Variants in SANBR observed in about 807,000 individuals in gnomAD.
SANBR encodes SANT and BTB domain regulator of CSR, also known as SANT and BTB domain regulator of class switch recombination.
Under a neutral mutation model 101.8 loss-of-function variants are expected in SANBR, and 77 were observed. The observed-to-expected ratio is 0.76, with a 90% CI of 0.63 to 0.91. The LOEUF is 0.91. SANBR is among the 40% of genes least tolerant of loss of function. The pLI is 0.00. For synonymous variants in SANBR, 279 were observed against 274.7 expected (o/e 1.02, Z -0.15); for missense variants, 875 against 853.0 (o/e 1.03, Z -0.32).
intron 4 of SANBR, 109 bp downstream of exon 4, chr2:61,071,901 A>G: frequency 1.5e-6 from 1 of 671,634 alleles, no homozygotes; most frequent in Non-Finnish European, 2.5e-6. Flanking sequence ...ATAAACATTA[A>G]TAGAGAAATG....
intron 4 of SANBR, among the ~76,000 whole-genome samples, chr2:61,072,531 C>G (rs1338583923): frequency 6.6e-6 from 1 of 152,146 alleles, no homozygotes; most frequent in East Asian, 1.9e-4. Flanking sequence ...CAGCTTTGAT[C>G]AAGCCACTGC....
chr2:61,103,894 A>G lies in SANBR; in HGVS notation c.1407A>G (p.Gln469=). 6.2e-7 allele frequency: 1 copy of G among 1,614,228 alleles called. No homozygotes were observed. Reference sequence around the variant, plus strand: ...ACCACATGGTTACACTTCGTGATCAAGGTGAAGGCGGAGATTTGCCGTCCT... The same window carrying G: ...ACCACATGGTTACACTTCGTGATCAGGGTGAAGGCGGAGATTTGCCGTCCT... The part of the protein sequence containing the change: ...VRDHMVTLRD[Q]GEGGDLPSCP... Residue 469 remains glutamine, a synonymous_variant, in exon 13 of 22, where the codon CAA becomes CAG. Coordinates refer to ENST00000402291, the MANE Select transcript of SANBR (RefSeq NM_001129993.3).
chr2:61,082,586 C>G (rs928287684), intron 7 of SANBR, among the ~76,000 whole-genome samples: 1 of 152,094 alleles, frequency 6.6e-6, no homozygotes, highest in African/African-American at 2.4e-5. Context: ...CTTGGGAGGC[C>G]AAGGCAGGCG....
chr2:61,067,299 T>A (rs977854780), intron 1 of SANBR, among the ~76,000 whole-genome samples: 20 of 152,224 alleles, frequency 1.3e-4, no homozygotes, highest in Non-Finnish European at 7.3e-5. Flanking sequence ...ATTTGAAATG[T>A]AAGCTTTTAA....
At position 61,070,498 on chromosome 2, in the gene SANBR, G is replaced by T. The variant is rs1162455566; in HGVS notation, c.148G>T (p.Glu50Ter). The change falls in exon 3 of 22, where the codon GAG becomes TAG. Residue 50 changes from glutamate to a stop codon, truncating the protein, a stop_gained and splice_region_variant. Coordinates refer to ENST00000402291, the MANE Select transcript of SANBR (RefSeq NM_001129993.3). LOFTEE classifies it high-confidence loss of function. ...GCTCGTGCCTGGATTAACACCAAAAGAGGTAAATAACAGTCCCCCCAGAAT... is the reference window on the plus strand; with the variant it reads ...GCTCGTGCCTGGATTAACACCAAAATAGGTAAATAACAGTCCCCCCAGAAT... ...ARLVPGLTPK[E>*]CAKRFDELKS... is the part of the protein sequence containing the mutation. 1.2e-6 allele frequency: 2 copies of T among 1,605,534 alleles called. No homozygotes were observed. The highest frequency in any genetic ancestry group is 1.7e-5 in the Admixed American group (1 of 58,046).
chr2:61,086,403 T>C (rs947608628), intron 8 of SANBR, among the ~76,000 whole-genome samples: 4 of 152,190 alleles, frequency 2.6e-5, no homozygotes, highest in South Asian at 2.1e-4. Flanking sequence ...TTGTTGGTGC[T>C]ATTGTAAATG....
chr2:61,066,894 CAT>C (rs1331863166), intron 1 of SANBR, among the ~76,000 whole-genome samples: 5 of 152,088 alleles, frequency 3.3e-5, no homozygotes, highest in Admixed American at 2.6e-4. Context: ...GTCTGTTAAA[CAT>C]ATTGGATTTT....
At chr2:61,081,305 T>A in intron 6 of SANBR, 147 bp from the exon 7 acceptor site, 1 of 708,474 alleles carries the variant, frequency 1.4e-6, no homozygotes, top group Non-Finnish European at 2.1e-6. Flanking sequence ...ATTTTCTTTA[T>A]TTTATGTATC....
rs1377202504 is a variant in SANBR, at chr2:61,077,162, A to G, written c.670+4A>G. 5 of 1,564,490 alleles carry G rather than the reference A, an allele frequency of 3.2e-6. No homozygotes were observed. The highest frequency in any genetic ancestry group is 4.4e-6 in the Non-Finnish European group (5 of 1,136,996). ...GATTGTGAGATGCCCACTTTAGGTAAAAAACAATCTGTTGCTTAATTTGTA... is the reference window on the plus strand; with the variant it reads ...GATTGTGAGATGCCCACTTTAGGTAGAAAACAATCTGTTGCTTAATTTGTA... On this transcript the variant is annotated splice_donor_region_variant and intron_variant, in intron 6 of 21. Coordinates refer to ENST00000402291, the MANE Select transcript of SANBR (RefSeq NM_001129993.3).
downstream of SANBR, among the ~76,000 whole-genome samples, chr2:61,128,068 T>A (rs553929482): frequency 2.9e-4 from 44 of 151,898 alleles, no homozygotes; most frequent in South Asian, 8.5e-3. Context: ...GTCAGGAGAT[T>A]GAGACCATCC....
chr2:61,118,566 G>GTTTTT (rs1175530888), intron 20 of SANBR, among the ~76,000 whole-genome samples: 6 of 99,514 alleles, frequency 6.0e-5, no homozygotes, highest in African/African-American at 1.8e-4. Flanking sequence ...TTTTTTGTTG[G>GTTTTT]TTTTTTTTTT....
At chr2:61,070,843 G>A (rs924425296) in intron 3 of SANBR, among the ~76,000 whole-genome samples, 1 of 150,774 alleles carries the variant, frequency 6.6e-6, no homozygotes, top group Non-Finnish European at 1.5e-5. Flanking sequence ...GTGCCATCAT[G>A]GCTCACTGCA....
chr2:61,081,539 T>C (rs1396760222), intron 7 of SANBR, 29 bp downstream of exon 7: 2 of 1,515,316 alleles, frequency 1.3e-6, no homozygotes, highest in East Asian at 5.1e-5. Context: ...AAAATCAAAG[T>C]GCTTCTGTTC....
At chr2:61,128,285 A>G (rs1315684287), downstream of SANBR, among the ~76,000 whole-genome samples, 1 of 151,662 alleles carries the variant, frequency 6.6e-6, no homozygotes, top group Non-Finnish European at 1.5e-5. Context: ...AAAAAAAAAA[A>G]AGAATCCTTA....
rs1684366261 is a variant in SANBR at position 61,122,331 on chromosome 2, A to C, written c.*169A>C. ...GAAATGCATAGTTAGGTTTTATGAA[A>C]ATCTAATTGTAAATATGAAACTTTT... On this transcript the variant is annotated 3_prime_UTR_variant, in exon 22 of 22. Coordinates refer to ENST00000402291, the MANE Select transcript of SANBR (RefSeq NM_001129993.3). 8.0e-7 allele frequency: 1 copy of C among 1,244,918 alleles called. No homozygotes were observed. The highest frequency in any genetic ancestry group is 1.0e-6 in the Non-Finnish European group (1 of 965,310). 77.1% of individuals were successfully genotyped at this position (1,244,918 alleles called of 1,614,324 possible). A position where few individuals can be genotyped will look rare whatever the true frequency, so the allele number is the denominator to read the frequency against.
intron 1 of SANBR, among the ~76,000 whole-genome samples, chr2:61,067,380 A>G (rs943829641): frequency 5.9e-5 from 9 of 152,218 alleles, no homozygotes; most frequent in African/African-American, 2.2e-4. Flanking sequence ...ATGAGCTCTC[A>G]GGGAAGATCC....
At chr2:61,093,219 C>G (rs897056114) in intron 11 of SANBR, 3 of 152,262 alleles carry the variant, frequency 2.0e-5, no homozygotes, top group African/African-American at 7.2e-5. Context: ...CATCTGGTTT[C>G]ATTTCTCTTG....
At chr2:61,095,413 A>C (rs1460913284) in intron 11 of SANBR, among the ~76,000 whole-genome samples, 1 of 152,234 alleles carries the variant, frequency 6.6e-6, no homozygotes. Flanking sequence ...CATTATGTGA[A>C]CATCACAATT....
At chr2:61,093,570 G>A (rs895013972) in intron 11 of SANBR, among the ~76,000 whole-genome samples, 4 of 152,060 alleles carry the variant, frequency 2.6e-5, no homozygotes, top group African/African-American at 9.7e-5. Flanking sequence ...ACTCCAGTCT[G>A]GGAAAGGAGG....
Sources: allele counts gnomAD v4.1 joint callset (sites outside exome capture counted in the v4.1 genomes callset), GRCh38; gene constraint gnomAD v4.1.1; transcripts MANE v1.5; gene names NCBI Gene and HGNC (gene_info 2026-07-23, HGNC 2026-07-21).